Variants in MOXD1 observed in about 807,000 individuals in gnomAD.
MOXD1 encodes the protein DBH-like monooxygenase protein 1.
In MOXD1, 62 loss-of-function variants were observed where a neutral mutation model predicts 66.6. That is an observed-to-expected ratio of 0.93 (90% CI 0.76 to 1.15). The LOEUF is 1.15. Among genes scored for constraint, MOXD1 ranks in the 50% most tolerant of loss-of-function variants. The pLI, the probability that MOXD1 is intolerant of heterozygous loss-of-function variation, is 0.00. For synonymous variants in MOXD1, 303 were observed against 281.9 expected (o/e 1.07, Z -0.75); for missense variants, 847 against 754.6 (o/e 1.12, Z -1.44).
At chr6:132,378,192 C>T (rs1776434074) in intron 1 of MOXD1, among the ~76,000 whole-genome samples, 1 of 151,936 alleles carries the variant, frequency 6.6e-6, no homozygotes, top group African/African-American at 2.4e-5. Flanking sequence ...GGAGGCAGAT[C>T]TTCAGATTTG....
intron 1 of MOXD1, among the ~76,000 whole-genome samples, chr6:132,393,891 A>T (rs1776819832): frequency 6.6e-6 from 1 of 152,232 alleles, no homozygotes; most frequent in Admixed American, 6.5e-5. Flanking sequence ...TGCAGGACTG[A>T]GGACCAGCTT....
intron 1 of MOXD1, among the ~76,000 whole-genome samples, chr6:132,387,710 C>T (rs769794722): frequency 2.8e-5 from 4 of 140,618 alleles, no homozygotes; most frequent in Admixed American, 7.4e-5. Flanking sequence ...GCCAAGATCG[C>T]GCCACTGCAC....
Position 132,297,208 on chromosome 6 carries a change from T to C in MOXD1, c.1787A>G (p.Asn596Ser), listed in dbSNP as rs773292375. 3.1e-6 allele frequency: 5 copies of C among 1,613,606 alleles called. No individual in the cohort carries two copies. The highest frequency in any genetic ancestry group is 1.3e-5 in the African/African-American group (1 of 75,016). The change falls in exon 12 of 12, where the codon AAC (asparagine) becomes AGC (serine). Residue 596 changes from asparagine (N) to serine (S), a missense_variant. By Grantham distance (46) the Asn-to-Ser change is conservative (BLOSUM62 1). Transcript: ENST00000367963. ...GAGTAGCAGAAGGCAAACAAGCAAG[T>C]TGATGGAGAAATCTCTGTGCAGGGA... is the stretch of plus-strand genomic sequence containing the variant. Reference protein sequence around the residue: ...SSSLHRDFSINLLVCLLLLSC... With the variant: ...SSSLHRDFSISLLVCLLLLSC...
At chr6:132,381,403 C>T (rs982393859) in intron 1 of MOXD1, among the ~76,000 whole-genome samples, 9 of 151,918 alleles carry the variant, frequency 5.9e-5, no homozygotes, top group African/African-American at 2.2e-4. Flanking sequence ...ACAGAAGTGG[C>T]ATATTGGCCA....
At chr6:132,396,172 T>G (rs1271944921) in intron 1 of MOXD1, among the ~76,000 whole-genome samples, 1 of 152,008 alleles carries the variant, frequency 6.6e-6, no homozygotes, top group Non-Finnish European at 1.5e-5. Flanking sequence ...TTTTAAAAAA[T>G]CGAAATCATA....
intron 10 of MOXD1, 131 bp downstream of exon 10, chr6:132,315,504 A>C (rs1277132078): frequency 9.3e-7 from 1 of 1,070,868 alleles, no homozygotes; most frequent in Non-Finnish European, 1.3e-6. Context: ...TGGTCTCCCC[A>C]GTTAAAAGTA....
At chr6:132,374,581 G>A (rs762839102) in intron 2 of MOXD1, 50 bp downstream of exon 2, 1 of 1,549,296 alleles carries the variant, frequency 6.5e-7, no homozygotes, top group African/African-American at 1.4e-5. Context: ...TGCTTCACAA[G>A]TGTAAATATA....
At chr6:132,356,670 A>G (rs533114355) in intron 4 of MOXD1, among the ~76,000 whole-genome samples, 73 of 152,296 alleles carry the variant, frequency 4.8e-4, no homozygotes, top group African/African-American at 1.3e-3. Flanking sequence ...ATAATAGGAG[A>G]TTAAATTATG....
chr6:132,358,119 A>G (rs1775943842), intron 4 of MOXD1, among the ~76,000 whole-genome samples: 2 of 152,194 alleles, frequency 1.3e-5, no homozygotes, highest in South Asian at 4.1e-4. Context: ...TCTGTAAATT[A>G]CTCAAGGTCA....
intron 4 of MOXD1, among the ~76,000 whole-genome samples, chr6:132,341,486 G>C (rs1210812364): frequency 1.3e-5 from 2 of 152,176 alleles, no homozygotes; most frequent in East Asian, 3.9e-4. Context: ...CCAAGCAGAT[G>C]ATCTTCCCAA....
At chr6:132,392,737 T>A (rs1162564697) in intron 1 of MOXD1, among the ~76,000 whole-genome samples, 1 of 152,242 alleles carries the variant, frequency 6.6e-6, no homozygotes, top group Non-Finnish European at 1.5e-5. Context: ...TCCAGAACAA[T>A]TTATCCAATA....
At chr6:132,300,055 A>G (rs1436979497) in intron 10 of MOXD1, among the ~76,000 whole-genome samples, 1 of 152,068 alleles carries the variant, frequency 6.6e-6, no homozygotes, top group Non-Finnish European at 1.5e-5. Flanking sequence ...AAGTGAGACA[A>G]TGAGGAAAAT....
intron 4 of MOXD1, among the ~76,000 whole-genome samples, chr6:132,336,214 A>G (rs1775432073): frequency 6.6e-6 from 1 of 152,210 alleles, no homozygotes; most frequent in Admixed American, 6.5e-5. Context: ...GAAATTTTGT[A>G]AATTCCCATC....
chr6:132,362,806 G>A (rs927199329), intron 4 of MOXD1, among the ~76,000 whole-genome samples: 4 of 152,086 alleles, frequency 2.6e-5, no homozygotes, highest in African/African-American at 4.8e-5. Context: ...TTCTTTCCAC[G>A]GAAATTATTT....
intron 2 of MOXD1, among the ~76,000 whole-genome samples, chr6:132,373,422 T>C (rs911097139): frequency 2.6e-5 from 4 of 152,204 alleles, no homozygotes; most frequent in African/African-American, 9.7e-5. Flanking sequence ...ATTAATACAA[T>C]AAAAATTAAA....
Position 132,324,016 on chromosome 6 carries a change from A to G in MOXD1, c.1028T>C (p.Leu343Pro). 1.2e-6 allele frequency: 2 copies of G among 1,613,892 alleles called. No individual in the cohort carries two copies. Among genetic ancestry groups the G allele is most frequent in the Non-Finnish European group, 1.7e-6 (2 of 1,179,818 alleles). Residue 343 changes from leucine to proline, a missense_variant, in exon 7 of 12, where the codon CTC becomes CCC. By Grantham distance (98) the Leu-to-Pro change is moderately conservative. Coordinates refer to ENST00000367963, the MANE Select transcript of MOXD1 (RefSeq NM_015529.4). ...GATGGTATGGAAGAGGCTCACCCAG[A>G]GGCCAGCCTCAATCACCCCAGCATC... is the stretch of plus-strand genomic sequence containing the variant. ...KYDAGVIEAGLWVSLFHTIPP... is the reference protein window; with the variant it reads ...KYDAGVIEAGPWVSLFHTIPP...
chr6:132,337,602 T>C (rs1277527219), intron 4 of MOXD1, among the ~76,000 whole-genome samples: 4 of 152,362 alleles, frequency 2.6e-5, no homozygotes, highest in African/African-American at 9.6e-5. Flanking sequence ...TAACATGTTA[T>C]GATTTACAGT....
chr6:132,320,005 G>C (rs1298518241), intron 9 of MOXD1, among the ~76,000 whole-genome samples: 1 of 152,012 alleles, frequency 6.6e-6, no homozygotes, highest in East Asian at 1.9e-4. Flanking sequence ...TATAAAAAAG[G>C]ATTTGGTTTG....
chr6:132,308,587 A>G (rs753955530), intron 10 of MOXD1, among the ~76,000 whole-genome samples: 4 of 152,230 alleles, frequency 2.6e-5, no homozygotes, highest in Non-Finnish European at 5.9e-5. Flanking sequence ...CTTCAGGCCA[A>G]TATTCCTTAT....
Sources: gnomAD v4.1 joint callset for allele counts (sites outside exome capture counted in the v4.1 genomes callset) on GRCh38, gnomAD v4.1.1 for gene constraint, MANE v1.5 for transcripts, NCBI Gene and HGNC (gene_info 2026-07-23, HGNC 2026-07-21) for gene names.